Variants in WASF3 observed in about 807,000 individuals in gnomAD.
WASF3 encodes WASP family member 3.
WASF3 carries 11 observed loss-of-function variants against 46.6 expected under a neutral mutation model. The ratio of observed to expected loss-of-function variants is 0.24; its 90% CI spans 0.15 to 0.39. WASF3 has a LOEUF of 0.39. WASF3 is among the 10% of genes least tolerant of loss of function. The pLI, the probability that WASF3 is intolerant of heterozygous loss-of-function variation, is 1.00. For missense variants in WASF3, 576 were observed against 669.8 expected (o/e 0.86, Z 1.55); for synonymous variants, 242 against 259.7 (o/e 0.93, Z 0.65).
intron 6 of WASF3, among the ~76,000 whole-genome samples, chr13:26,673,630 A>G (rs891134210): frequency 3.4e-4 from 52 of 152,352 alleles, no homozygotes; most frequent in African/African-American, 1.2e-3. Flanking sequence ...ATCATGCTCA[A>G]TTTGCAGTTG....
chr13:26,589,509 C>T (rs1337912826), intron 1 of WASF3, among the ~76,000 whole-genome samples: 2 of 152,212 alleles, frequency 1.3e-5, no homozygotes. Context: ...TTTAGTGATG[C>T]AAGCCTGATG....
At chr13:26,569,413 C>G (rs1005954613) in intron 1 of WASF3, among the ~76,000 whole-genome samples, 1 of 152,058 alleles carries the variant, frequency 6.6e-6, no homozygotes, top group African/African-American at 2.4e-5. Flanking sequence ...AAACTAAAAT[C>G]AATAGCAAAA....
chr13:26,645,289 TGAA>T (rs1328792146), intron 3 of WASF3, among the ~76,000 whole-genome samples: 1 of 152,094 alleles, frequency 6.6e-6, no homozygotes, highest in African/African-American at 2.4e-5. Context: ...GGCACTGTCT[TGAA>T]GAAGAGAGAG....
rs117974699 is a variant in WASF3 at position 26,577,160 on chromosome 13, A to T, written c.-109+19341A>T. The T allele has an allele frequency of 4.7e-3, 3,560 of 763,258 alleles. 103 individuals are homozygous for T. In the Admixed American group the frequency reaches 0.05, roughly 11 times the overall value. The allele number at this position is 763,258 out of a possible 1,614,324, so 47.3% of individuals were successfully genotyped here. The stretch of plus-strand genomic sequence containing the variant: ...TTCAAGCTGATTACTGAAGATGTTC[A>T]GGGCAAAAACTTCCTAACTTCCTTG... On this transcript the variant is annotated intron_variant, in intron 1 of 9. Transcript: ENST00000335327.
At chr13:26,546,142 C>G in the WASF3 span, among the ~76,000 whole-genome samples, 1 of 152,194 alleles carries the variant, frequency 6.6e-6, no homozygotes, top group African/African-American at 2.4e-5. Flanking sequence ...ATCACAAAGA[C>G]AAGGCAGGAA....
intron 1 of WASF3, among the ~76,000 whole-genome samples, chr13:26,579,985 C>G (rs1210284939): frequency 6.6e-6 from 1 of 152,156 alleles, no homozygotes; most frequent in Non-Finnish European, 1.5e-5. Flanking sequence ...TTTCTTAGAA[C>G]ATTACAAGAT....
At chr13:26,593,961 A>T (rs1880379625) in intron 1 of WASF3, among the ~76,000 whole-genome samples, 1 of 152,222 alleles carries the variant, frequency 6.6e-6, no homozygotes, top group Admixed American at 6.5e-5. Context: ...TGAAGGGAAC[A>T]TCTTCGTGTA....
chr13:26,579,190 T>A (rs7992057), intron 1 of WASF3, among the ~76,000 whole-genome samples: 56,297 of 150,636 alleles, frequency 0.37, 11,006 homozygotes, highest in East Asian at 0.58. Context: ...TTTTTAAAGA[T>A]GGGGTCTCAC....
Position 26,606,982 on chromosome 13 carries a change from A to G in WASF3, c.-108-5979A>G, listed in dbSNP as rs952624712. On this transcript the variant is annotated intron_variant, in intron 1 of 9. Transcript: ENST00000335327. ...TACAGTATGTTGGTGTAATTGTTCT[A>G]TTTTATTATGAGTTATTGTTAGTCT... The G allele has an allele frequency of 2.9e-4, 44 of 152,154 alleles. 1 individual carries two copies. Among genetic ancestry groups the G allele is most frequent in the Non-Finnish European group, 4.4e-5 (3 of 68,026 alleles). 9.4% of individuals were successfully genotyped at this position (152,154 alleles called of 1,614,324 possible).
chr13:26,545,109 C>G, the WASF3 span, among the ~76,000 whole-genome samples: 1 of 152,176 alleles, frequency 6.6e-6, no homozygotes, highest in African/African-American at 2.4e-5. Context: ...ACTCTCCACC[C>G]CTGGGATAAA....
intron 3 of WASF3, among the ~76,000 whole-genome samples, chr13:26,652,570 A>G (rs1371015368): frequency 1.3e-5 from 2 of 152,232 alleles, no homozygotes; most frequent in Non-Finnish European, 2.9e-5. Flanking sequence ...ACATTCTTTT[A>G]ATTTCCCGTG....
At chr13:26,576,270 A>G (rs1455829672) in intron 1 of WASF3, among the ~76,000 whole-genome samples, 1 of 151,764 alleles carries the variant, frequency 6.6e-6, no homozygotes, top group African/African-American at 2.4e-5. Flanking sequence ...CTTCTCTACT[A>G]TGACTTTTTC....
chr13:26,687,451 C>T lies in WASF3; in HGVS notation c.*1606C>T, dbSNP rs566055495. ...CCCTCAGTGTGTGTGTCTCGAGTGGCTACCTGTTGGGCTTGTGGGCAGTGA... is the reference window on the plus strand; with the variant it reads ...CCCTCAGTGTGTGTGTCTCGAGTGGTTACCTGTTGGGCTTGTGGGCAGTGA... On this transcript the variant is annotated 3_prime_UTR_variant, in exon 10 of 10. Coordinates refer to ENST00000335327, the MANE Select transcript of WASF3 (RefSeq NM_006646.6). The T allele has an allele frequency of 5.9e-5, 9 of 152,276 alleles. No homozygotes were observed. Among genetic ancestry groups the T allele is most frequent in the African/African-American group, 1.9e-4 (8 of 41,554 alleles). The allele number at this position is 152,276 out of a possible 1,614,324, so 9.4% of individuals were successfully genotyped here.
Position 26,686,109 on chromosome 13 carries a change from C to T in WASF3, c.*264C>T, listed in dbSNP as rs998731578. ...TCCTGAAAACAGCATCTGCTTTCCT[C>T]TTGGCCATGAGAGTATTTAGTGCAG... is the stretch of plus-strand genomic sequence containing the variant. On this transcript the variant is annotated 3_prime_UTR_variant, in exon 10 of 10. Transcript: ENST00000335327. The T allele has an allele frequency of 2.8e-4, 121 of 430,566 alleles. 1 individual carries two copies. In the East Asian group the frequency reaches 4.6e-3, roughly 16 times the overall value. 26.7% of individuals were successfully genotyped at this position (430,566 alleles called of 1,614,324 possible).
the WASF3 span, among the ~76,000 whole-genome samples, chr13:26,543,941 A>G: frequency 1.3e-5 from 2 of 152,220 alleles, no homozygotes; most frequent in African/African-American, 2.4e-5. Context: ...CTATTGACAT[A>G]TAGGCTCGTT....
At chr13:26,582,043 T>C (rs1348112223) in intron 1 of WASF3, among the ~76,000 whole-genome samples, 1 of 152,262 alleles carries the variant, frequency 6.6e-6, no homozygotes, top group East Asian at 1.9e-4. Context: ...TGTAAGCCAG[T>C]GTATAGGATT....
chr13:26,599,381 C>T (rs1267433924), intron 1 of WASF3, among the ~76,000 whole-genome samples: 2 of 151,970 alleles, frequency 1.3e-5, no homozygotes, highest in Non-Finnish European at 2.9e-5. Flanking sequence ...ATGGTAAAAG[C>T]TGATTTCTGT....
intron 1 of WASF3, among the ~76,000 whole-genome samples, chr13:26,610,559 T>G (rs1471391342): frequency 6.6e-6 from 1 of 152,096 alleles, no homozygotes; most frequent in African/African-American, 2.4e-5. Flanking sequence ...AGGTTGCAGT[T>G]TGAAGGCAAG....
chr13:26,589,547 G>T (rs900040030), intron 1 of WASF3, among the ~76,000 whole-genome samples: 2 of 152,170 alleles, frequency 1.3e-5, no homozygotes, highest in Non-Finnish European at 2.9e-5. Flanking sequence ...GCATTTGTTT[G>T]AGGAGTCTTG....
Sources: allele counts gnomAD v4.1 joint callset (sites outside exome capture counted in the v4.1 genomes callset), GRCh38; gene constraint gnomAD v4.1.1; transcripts MANE v1.5; gene names NCBI Gene and HGNC (gene_info 2026-07-23, HGNC 2026-07-21).